IPCEF1: variants seen among roughly 807,000 people sequenced by gnomAD.
The protein encoded by IPCEF1 is interaction protein for cytohesin exchange factors 1.
Under a neutral mutation model 50.9 loss-of-function variants are expected in IPCEF1, and 31 were observed. That is an observed-to-expected ratio of 0.61 (90% CI 0.46 to 0.82). The LOEUF (loss-of-function observed/expected upper bound fraction) is 0.82, where lower values mean the gene tolerates loss of function less well. Among genes scored for constraint, IPCEF1 ranks in the 40% least tolerant of loss-of-function variants. The pLI, the probability that IPCEF1 is intolerant of heterozygous loss-of-function variation, is 0.00. For missense variants in IPCEF1, 458 were observed against 514.0 expected, an observed-to-expected ratio of 0.89 and a Z score of 1.05; for synonymous variants, 181 against 192.0, an observed-to-expected ratio of 0.94 and a Z score of 0.47.
intron 1 of IPCEF1, among the ~76,000 whole-genome samples, chr6:154,305,286 T>C (rs557225661): frequency 1.3e-5 from 2 of 152,150 alleles, no homozygotes; most frequent in Non-Finnish European, 2.9e-5. Context: ...TTTTCAGTGA[T>C]TTGAGCTCCC....
intron 5 of IPCEF1, among the ~76,000 whole-genome samples, chr6:154,240,769 C>T (rs977714358): frequency 1.3e-5 from 2 of 152,194 alleles, no homozygotes; most frequent in African/African-American, 4.8e-5. Flanking sequence ...CTCATGCAGA[C>T]AGTTACTTCA....
At chr6:154,230,754 C>T (rs1779655096) in intron 5 of IPCEF1, among the ~76,000 whole-genome samples, 1 of 152,066 alleles carries the variant, frequency 6.6e-6, no homozygotes, top group Non-Finnish European at 1.5e-5. Flanking sequence ...CTTTACACTT[C>T]AATAATTCTG....
At chr6:154,260,905 A>G (rs1355852651) in intron 3 of IPCEF1, among the ~76,000 whole-genome samples, 1 of 152,244 alleles carries the variant, frequency 6.6e-6, no homozygotes, top group Non-Finnish European at 1.5e-5. Context: ...GGTTATCACC[A>G]TAGTGTGATT....
rs552684021 is a variant in IPCEF1, at chr6:154,236,497, A to C, written c.246+10094T>G. On this transcript the variant is annotated intron_variant, in intron 5 of 11. Coordinates refer to ENST00000367220, the MANE Select transcript of IPCEF1 (RefSeq NM_001130700.2). The stretch of plus-strand genomic sequence containing the variant: ...TGCTGACGGTTGCACAGTAATAAGA[A>C]ATTAAGCAATGCCACTCAACTGTAC... Among the ~76,000 whole-genome samples, 173 of 152,328 alleles carry C rather than the reference A, an allele frequency of 1.1e-3. 1 individual carries two copies. The highest frequency in any genetic ancestry group is 3.4e-3 in the Middle Eastern group (1 of 294).
chr6:154,287,638 T>G (rs1782397266), intron 2 of IPCEF1, among the ~76,000 whole-genome samples: 1 of 152,206 alleles, frequency 6.6e-6, no homozygotes, highest in Non-Finnish European at 1.5e-5. Context: ...GTGCTATCTC[T>G]TATTTTATTA....
Position 154,312,051 on chromosome 6 carries a change from G to A in IPCEF1, c.-61-22295C>T, listed in dbSNP as rs150126040. The stretch of plus-strand genomic sequence containing the variant: ...GCACTATTCACAATAGCCAAGATAT[G>A]CAATCAATCTTTGTCCATCGACAGA... On this transcript the variant is annotated intron_variant, in intron 1 of 11. Coordinates refer to ENST00000367220, the MANE Select transcript of IPCEF1 (RefSeq NM_001130700.2). Among the ~76,000 whole-genome samples the A allele has an allele frequency of 1.8e-3, 271 of 152,254 alleles. 5 individuals carry two copies. In the East Asian group the frequency reaches 0.041, roughly 23 times the overall value.
At chr6:154,253,892 A>T (rs9371782) in intron 3 of IPCEF1, among the ~76,000 whole-genome samples, 81,893 of 151,694 alleles carry the variant, frequency 0.54, 22,831 homozygotes, top group East Asian at 0.94. Flanking sequence ...TTAAATTTTT[A>T]AAAAAATTAC....
At chr6:154,332,661 C>G (rs1783700809) in intron 1 of IPCEF1, among the ~76,000 whole-genome samples, 1 of 152,180 alleles carries the variant, frequency 6.6e-6, no homozygotes, top group Non-Finnish European at 1.5e-5. Flanking sequence ...TAAGAGTGCT[C>G]TCTCCCTGTC....
At chr6:154,320,416 G>A (rs938099233) in intron 1 of IPCEF1, among the ~76,000 whole-genome samples, 2 of 152,170 alleles carry the variant, frequency 1.3e-5, no homozygotes, top group African/African-American at 2.4e-5. Flanking sequence ...CTCAATGAGT[G>A]CAACTGGCCT....
chr6:154,297,331 C>T (rs1275127265), intron 1 of IPCEF1, among the ~76,000 whole-genome samples: 2 of 152,172 alleles, frequency 1.3e-5, no homozygotes, highest in African/African-American at 2.4e-5. Flanking sequence ...TGAGCCACCG[C>T]GCCCAGCCCA....
intron 9 of IPCEF1, among the ~76,000 whole-genome samples, chr6:154,206,756 G>T (rs927400658): frequency 1.3e-5 from 2 of 152,192 alleles, no homozygotes; most frequent in East Asian, 3.9e-4. Flanking sequence ...GTGGGATTGG[G>T]GTGGGAGTCA....
chr6:154,297,433 T>C (rs1156977497), intron 1 of IPCEF1, among the ~76,000 whole-genome samples: 1 of 152,190 alleles, frequency 6.6e-6, no homozygotes, highest in African/African-American at 2.4e-5. Flanking sequence ...AAACCCCAGG[T>C]TGACGTGCAG....
chr6:154,299,556 T>C (rs1782742088), intron 1 of IPCEF1, among the ~76,000 whole-genome samples: 1 of 140,418 alleles, frequency 7.1e-6, no homozygotes, highest in African/African-American at 2.5e-5. Context: ...TGAGAAAACA[T>C]GGACACATGA....
intron 10 of IPCEF1, among the ~76,000 whole-genome samples, chr6:154,176,925 C>T (rs1305464392): frequency 6.6e-6 from 1 of 152,166 alleles, no homozygotes; most frequent in Non-Finnish European, 1.5e-5. Context: ...CAGCATGACA[C>T]TGGTACTAAA....
intron 10 of IPCEF1, among the ~76,000 whole-genome samples, chr6:154,178,496 T>C (rs895055326): frequency 2.0e-5 from 3 of 152,174 alleles, no homozygotes; most frequent in African/African-American, 7.2e-5. Context: ...TCGAAGGGTA[T>C]CTTCCTCCCC....
chr6:154,327,569 A>C (rs1344858854), intron 1 of IPCEF1, among the ~76,000 whole-genome samples: 1 of 152,192 alleles, frequency 6.6e-6, no homozygotes, highest in Non-Finnish European at 1.5e-5. Context: ...GCAAAAAAAC[A>C]ACACATATTG....
rs1783275587 is a variant in IPCEF1 at position 154,318,204 on chromosome 6, T to C, written c.-61-28448A>G. On this transcript the variant is annotated intron_variant, in intron 1 of 11. Transcript: ENST00000367220. ...TGGTGAGAGTAGAGGGTGGGGGGAT[T>C]GACCTTAATGGAGCAAGACGGGAAA... Among the ~76,000 whole-genome samples, 5 of 152,130 alleles carry C rather than the reference T, an allele frequency of 3.3e-5. No homozygotes were observed. In the South Asian group the frequency reaches 1.0e-3, roughly 31 times the overall value.
chr6:154,199,169 A>C (rs756910237), intron 10 of IPCEF1, among the ~76,000 whole-genome samples: 40 of 152,246 alleles, frequency 2.6e-4, no homozygotes, highest in Non-Finnish European at 1.9e-4. Flanking sequence ...CACAAAGTGC[A>C]TGCAAATTGT....
chr6:154,199,774 A>G lies in IPCEF1; in HGVS notation c.804T>C (p.Ser268=), dbSNP rs763385011. ...CACTAGATAAAGAGTTCAAAAATCC[A>G]CTTTCTGATGTGACAAAACTGTTTT... ...ALENSFVTSE[S]GFLNSLSSDD... The change falls in exon 10 of 12, where the codon AGT becomes AGC. Residue 268 remains serine, a synonymous_variant. Coordinates refer to ENST00000367220, the MANE Select transcript of IPCEF1 (RefSeq NM_001130700.2). 1.1e-5 allele frequency: 18 copies of G among 1,614,232 alleles called. No individual in the cohort carries two copies. In the East Asian group the frequency reaches 4.0e-4, roughly 36 times the overall value.
Sources: gnomAD v4.1 joint callset for allele counts (sites outside exome capture counted in the v4.1 genomes callset) on GRCh38, gnomAD v4.1.1 for gene constraint, MANE v1.5 for transcripts, NCBI Gene and HGNC (gene_info 2026-07-23, HGNC 2026-07-21) for gene names.